SOX11: variants seen among roughly 807,000 people sequenced by gnomAD.
SOX11 encodes transcription factor SOX-11.
SOX11 carries 5 observed loss-of-function variants against 16.7 expected under a neutral mutation model. The observed-to-expected ratio is 0.30, with a 90% CI of 0.16 to 0.63. The LOEUF is 0.63. SOX11 is among the 20% of genes least tolerant of loss of function. The pLI is 0.82. For synonymous variants in SOX11, 363 were observed against 298.8 expected, an observed-to-expected ratio of 1.21 and a Z score of -2.22; for missense variants, 492 against 641.5, an observed-to-expected ratio of 0.77 and a Z score of 2.52.
In SOX11 at chr2:5,692,755, A is replaced by G; in HGVS notation, c.34A>G (p.Ser12Gly). 1.9e-6 allele frequency: 3 copies of G among 1,606,418 alleles called. No homozygotes were observed. The highest frequency in any genetic ancestry group is 2.6e-6 in the Non-Finnish European group (3 of 1,175,408). ...GCAGGCGGAGAGCTTGGAAGCGGAGAGCAACCTGCCCCGGGAGGCGCTGGA... is the reference window on the plus strand; with the variant it reads ...GCAGGCGGAGAGCTTGGAAGCGGAGGGCAACCTGCCCCGGGAGGCGCTGGA... ...VQQAESLEAE[S>G]NLPREALDTE... is the part of the protein sequence containing the mutation. The change falls in exon 1 of 1, where the codon AGC (serine) becomes GGC (glycine). Residue 12 changes from serine (S) to glycine (G), a missense_variant. Physicochemically the swap from Ser to Gly is moderately conservative, Grantham distance 56 (BLOSUM62 0). This residue lies in a region of SOX11 where 44 missense variants were observed against 48.5 expected (regional missense o/e 0.91). Coordinates refer to ENST00000322002, the MANE Select transcript of SOX11 (RefSeq NM_003108.4).
At position 5,698,056 on chromosome 2, in the gene SOX11, T is replaced by C. The variant is rs1329227936; in HGVS notation, c.*4009T>C. ...TTTTTTTTTTTAAAGCCATGTGGCC[T>C]AACTTGATACAAAAATAAAAGTAAT... On this transcript the variant is annotated 3_prime_UTR_variant, in exon 1 of 1. Coordinates refer to ENST00000322002, the MANE Select transcript of SOX11 (RefSeq NM_003108.4). 1 of 166,948 alleles carries C rather than the reference T, an allele frequency of 6.0e-6. No homozygotes were observed. The highest frequency in any genetic ancestry group is 2.4e-5 in the African/African-American group (1 of 41,456). 10.3% of individuals were successfully genotyped at this position (166,948 alleles called of 1,614,324 possible). A position where few individuals can be genotyped will look rare whatever the true frequency, so the allele number is the denominator to read the frequency against.
rs1469546155 is a variant in SOX11, at chr2:5,698,136, C to A, written c.*4089C>A. The A allele has an allele frequency of 6.0e-6, 1 of 167,006 alleles. No homozygotes were observed. Among genetic ancestry groups the A allele is most frequent in the Admixed American group, 6.5e-5 (1 of 15,280 alleles). 10.3% of individuals were successfully genotyped at this position (167,006 alleles called of 1,614,324 possible). A position where few individuals can be genotyped will look rare whatever the true frequency, so the allele number is the denominator to read the frequency against. ...AGAACTCAGGACAGGCGCTTCAATG[C>A]GCTTTTTAACAATATTTAAGGCTGT... On this transcript the variant is annotated 3_prime_UTR_variant, in exon 1 of 1. Transcript: ENST00000322002.
In SOX11 at chr2:5,694,135, A is replaced by AT. The variant is rs886683769; in HGVS notation, c.*89dup. On this transcript the variant is annotated 3_prime_UTR_variant, in exon 1 of 1. Coordinates refer to ENST00000322002, the MANE Select transcript of SOX11 (RefSeq NM_003108.4). ...TGTAGTGGTGATGATGATGATGATA[A>AT]TGATGATGATGATGGTGGTGTTGAT... The AT allele has an allele frequency of 5.2e-5, 73 of 1,397,498 alleles. No individual in the cohort carries two copies. The highest frequency in any genetic ancestry group is 6.5e-5 in the Non-Finnish European group (68 of 1,048,382). 86.6% of individuals were successfully genotyped at this position (1,397,498 alleles called of 1,614,324 possible).
In SOX11 at chr2:5,697,117, G is replaced by T. The variant is rs911350759; in HGVS notation, c.*3070G>T. 6.2e-6 allele frequency: 1 copy of T among 162,122 alleles called. No individual in the cohort carries two copies. The highest frequency in any genetic ancestry group is 2.4e-5 in the African/African-American group (1 of 41,392). 10.0% of individuals were successfully genotyped at this position (162,122 alleles called of 1,614,324 possible). ...GCTCCCGCCCCCCTTCCGAGCATCC[G>T]CCGCCTCTTTTCTGCTGGGTCTGGG... On this transcript the variant is annotated 3_prime_UTR_variant, in exon 1 of 1. Coordinates refer to ENST00000322002, the MANE Select transcript of SOX11 (RefSeq NM_003108.4).
rs779081464 is a variant in SOX11, at chr2:5,693,298, G to A, written c.577G>A (p.Gly193Ser). 6.5e-7 allele frequency: 1 copy of A among 1,540,054 alleles called. No individual in the cohort carries two copies. Among genetic ancestry groups the A allele is most frequent in the Non-Finnish European group, 8.7e-7 (1 of 1,151,490 alleles). ...GKAAQSGDYG[G>S]AGDDYVLGSL... is the part of the protein sequence containing the mutation. ...GGCGGCCCAGTCCGGGGACTACGGG[G>A]GCGCGGGCGACGACTACGTGCTGGG... Residue 193 changes from glycine to serine, a missense_variant, in exon 1 of 1, where the codon GGC becomes AGC. Transcript: ENST00000322002. The surrounding 1 kb of genome is among the most constrained non-coding windows in gnomAD (Gnocchi z 8.6).
In SOX11 at chr2:5,700,116, C is replaced by A. The variant is rs775745082; in HGVS notation, c.*6069C>A. ...GCCTGCAGTTGTGAACAGAGAACTT[C>A]TCTACAGAGAAACAAACCACTAAAA... On this transcript the variant is annotated 3_prime_UTR_variant, in exon 1 of 1. Transcript: ENST00000322002. 1 of 167,046 alleles carries A rather than the reference C, an allele frequency of 6.0e-6. No homozygotes were observed. The highest frequency in any genetic ancestry group is 1.5e-5 in the Non-Finnish European group (1 of 68,110). 10.3% of individuals were successfully genotyped at this position (167,046 alleles called of 1,614,324 possible).
Position 5,698,797 on chromosome 2 carries a change from G to C in SOX11, c.*4750G>C, listed in dbSNP as rs1665788117. 1 of 166,954 alleles carries C rather than the reference G, an allele frequency of 6.0e-6. No individual in the cohort carries two copies. Among genetic ancestry groups the C allele is most frequent in the Non-Finnish European group, 1.5e-5 (1 of 68,074 alleles). The allele number at this position is 166,954 out of a possible 1,614,324, so 10.3% of individuals were successfully genotyped here. ...TGATTTAGTTGCTTTTTTCATGAAA[G>C]AAAAAGACTCAAAAGACAAGACTTA... On this transcript the variant is annotated 3_prime_UTR_variant, in exon 1 of 1. Coordinates refer to ENST00000322002, the MANE Select transcript of SOX11 (RefSeq NM_003108.4).
rs1409457496 is a variant in SOX11 at position 5,693,355 on chromosome 2, G to A, written c.634G>A (p.Gly212Ser). ...SLRVSGSGGGGAGKTVKCVFL... is the reference protein window; with the variant it reads ...SLRVSGSGGGSAGKTVKCVFL... ...GCGCGTGAGCGGCTCGGGCGGCGGC[G>A]GCGCGGGCAAGACGGTCAAGTGCGT... Residue 212 changes from glycine (G) to serine (S), a missense_variant, in exon 1 of 1, where the codon GGC becomes AGC. This residue lies in a region of SOX11 where 389 missense variants were observed against 389.0 expected (regional missense o/e 1.00). Transcript: ENST00000322002. The surrounding 1 kb of genome is among the most constrained non-coding windows in gnomAD (Gnocchi z 8.6). 3.8e-6 allele frequency: 6 copies of A among 1,591,258 alleles called. No homozygotes were observed. In the South Asian group the frequency reaches 5.5e-5, roughly 15 times the overall value.
At position 5,694,172 on chromosome 2, in the gene SOX11, T is replaced by A; in HGVS notation, c.*125T>A. 1 of 1,262,926 alleles carries A rather than the reference T, an allele frequency of 7.9e-7. No individual in the cohort carries two copies. The highest frequency in any genetic ancestry group is 1.1e-6 in the Non-Finnish European group (1 of 934,492). 78.2% of individuals were successfully genotyped at this position (1,262,926 alleles called of 1,614,324 possible). On this transcript the variant is annotated 3_prime_UTR_variant, in exon 1 of 1. Transcript: ENST00000322002. ...ATGGTGGTGTTGATGGTGGCGGTGG[T>A]AGGGTGGAGGGGAGAGAAGAAGATG...
Position 5,698,291 on chromosome 2 carries a change from G to A in SOX11, c.*4244G>A, listed in dbSNP as rs919282389. On this transcript the variant is annotated 3_prime_UTR_variant, in exon 1 of 1. Coordinates refer to ENST00000322002, the MANE Select transcript of SOX11 (RefSeq NM_003108.4). ...AAGTTTAATTGATTTTTTTTTGTTG[G>A]TCTCTTAAGTAAGTCTTATTTTTAA... 1 of 166,538 alleles carries A rather than the reference G, an allele frequency of 6.0e-6. No individual in the cohort carries two copies. Among genetic ancestry groups the A allele is most frequent in the African/African-American group, 2.4e-5 (1 of 41,310 alleles). The allele number at this position is 166,538 out of a possible 1,614,324, so 10.3% of individuals were successfully genotyped here.
rs1665814352 is a variant in SOX11 at position 5,700,367 on chromosome 2, T to A, written c.*6320T>A. The A allele has an allele frequency of 6.0e-6, 1 of 166,990 alleles. No individual in the cohort carries two copies. Among genetic ancestry groups the A allele is most frequent in the Non-Finnish European group, 1.5e-5 (1 of 68,120 alleles). 10.3% of individuals were successfully genotyped at this position (166,990 alleles called of 1,614,324 possible). A position where few individuals can be genotyped will look rare whatever the true frequency, so the allele number is the denominator to read the frequency against. On this transcript the variant is annotated 3_prime_UTR_variant, in exon 1 of 1. Transcript: ENST00000322002. ...TTTCCTCTAGGCTCCTCGAAGAGAT[T>A]TTTTTAATATGATGCTTGTCTTACT...
In SOX11 at chr2:5,696,010, T is replaced by C. The variant is rs931413263; in HGVS notation, c.*1963T>C. 3.0e-5 allele frequency: 5 copies of C among 166,312 alleles called. No homozygotes were observed. The highest frequency in any genetic ancestry group is 9.7e-5 in the African/African-American group (4 of 41,438). 10.3% of individuals were successfully genotyped at this position (166,312 alleles called of 1,614,324 possible). On this transcript the variant is annotated 3_prime_UTR_variant, in exon 1 of 1. Transcript: ENST00000322002. ...GAGGGGCCTGGGTTGCCAGCTCCCTTGGTCGGGGTCCTGCTCGCTGGGGCT... is the reference window on the plus strand; with the variant it reads ...GAGGGGCCTGGGTTGCCAGCTCCCTCGGTCGGGGTCCTGCTCGCTGGGGCT...
In SOX11 at chr2:5,694,403, A is replaced by G. The variant is rs1009060576; in HGVS notation, c.*356A>G. On this transcript the variant is annotated 3_prime_UTR_variant, in exon 1 of 1. Coordinates refer to ENST00000322002, the MANE Select transcript of SOX11 (RefSeq NM_003108.4). ...TCCCAAAAAATGTGTTTTTGTAATT[A>G]CTATTTCTTTTTCCTGAAATTCGTG... 1 of 346,124 alleles carries G rather than the reference A, an allele frequency of 2.9e-6. No individual in the cohort carries two copies. The highest frequency in any genetic ancestry group is 5.3e-6 in the Non-Finnish European group (1 of 187,322). The allele number at this position is 346,124 out of a possible 1,614,324, so 21.4% of individuals were successfully genotyped here.
chr2:5,696,873 A>G lies in SOX11; in HGVS notation c.*2826A>G, dbSNP rs1665741047. Reference sequence around the variant, plus strand: ...GGAATCAGCTCCCCGGGGCCGCCGCAACGAAGGTGGATCCGCATCTTGATT... The same window carrying G: ...GGAATCAGCTCCCCGGGGCCGCCGCGACGAAGGTGGATCCGCATCTTGATT... On this transcript the variant is annotated 3_prime_UTR_variant, in exon 1 of 1. Transcript: ENST00000322002. 6.2e-6 allele frequency: 1 copy of G among 160,340 alleles called. No homozygotes were observed. Among genetic ancestry groups the G allele is most frequent in the Admixed American group, 6.6e-5 (1 of 15,250 alleles). The allele number at this position is 160,340 out of a possible 1,614,324, so 9.9% of individuals were successfully genotyped here. A position where few individuals can be genotyped will look rare whatever the true frequency, so the allele number is the denominator to read the frequency against.
At position 5,693,348 on chromosome 2, in the gene SOX11, C is replaced by T. The variant is rs780984796; in HGVS notation, c.627C>T (p.Gly209=). 1.9e-6 allele frequency: 3 copies of T among 1,589,196 alleles called. No individual in the cohort carries two copies. ...VLGSLRVSGS[G]GGGAGKTVKC... ...GCAGCCTGCGCGTGAGCGGCTCGGG[C>T]GGCGGCGGCGCGGGCAAGACGGTCA... The change falls in exon 1 of 1, where the codon GGC becomes GGT. Residue 209 remains glycine (G), a synonymous_variant. Coordinates refer to ENST00000322002, the MANE Select transcript of SOX11 (RefSeq NM_003108.4). The surrounding 1 kb of genome is among the most constrained non-coding windows in gnomAD (Gnocchi z 8.6).
rs757172490 is a variant in SOX11 at position 5,693,585 on chromosome 2, C to G, written c.864C>G (p.Pro288=). 1.9e-6 allele frequency: 3 copies of G among 1,559,224 alleles called. No individual in the cohort carries two copies. The highest frequency in any genetic ancestry group is 2.7e-5 in the African/African-American group (2 of 73,752). ...CGCTGAGCAGCTCGGCGGAGTCCCC[C>G]GAGGGAGCGAGCCTCTACGACGAGG... ...SPTLSSSAES[P]EGASLYDEVR... The change falls in exon 1 of 1, where the codon CCC becomes CCG. Residue 288 remains proline, a synonymous_variant. Coordinates refer to ENST00000322002, the MANE Select transcript of SOX11 (RefSeq NM_003108.4). The surrounding 1 kb of genome is among the most constrained non-coding windows in gnomAD (Gnocchi z 8.6).
Position 5,700,208 on chromosome 2 carries a change from C to A in SOX11, c.*6161C>A, listed in dbSNP as rs1665811614. On this transcript the variant is annotated 3_prime_UTR_variant, in exon 1 of 1. Transcript: ENST00000322002. Reference sequence around the variant, plus strand: ...GGTGAATTTAAGCAACCTGGATGTGCATATGTGGAGGCTCCCGTCTCACTG... The same window carrying A: ...GGTGAATTTAAGCAACCTGGATGTGAATATGTGGAGGCTCCCGTCTCACTG... 1 of 166,968 alleles carries A rather than the reference C, an allele frequency of 6.0e-6. No homozygotes were observed. The highest frequency in any genetic ancestry group is 1.5e-5 in the Non-Finnish European group (1 of 68,108). 10.3% of individuals were successfully genotyped at this position (166,968 alleles called of 1,614,324 possible).
rs756597677 is a variant in SOX11, at chr2:5,693,264, C to G, written c.543C>G (p.Gly181=). ...KAPAAAGAKA[G]AGKAAQSGDY... ...CCGCGGCCGCGGGCGCCAAGGCGGG[C>G]GCGGGCAAGGCGGCCCAGTCCGGGG... The change falls in exon 1 of 1, where the codon GGC becomes GGG. Residue 181 remains glycine (G), a synonymous_variant. Transcript: ENST00000322002. The surrounding 1 kb of genome is among the most constrained non-coding windows in gnomAD (Gnocchi z 8.6). 28 of 1,379,064 alleles carry G rather than the reference C, an allele frequency of 2.0e-5. No homozygotes were observed. Among genetic ancestry groups the G allele is most frequent in the Admixed American group, 1.5e-4 (4 of 26,184 alleles). The allele number at this position is 1,379,064 out of a possible 1,614,324, so 85.4% of individuals were successfully genotyped here. A position where few individuals can be genotyped will look rare whatever the true frequency, so the allele number is the denominator to read the frequency against.
rs74759800 is a variant in SOX11 at position 5,695,444 on chromosome 2, G to A, written c.*1397G>A. On this transcript the variant is annotated 3_prime_UTR_variant, in exon 1 of 1. Coordinates refer to ENST00000322002, the MANE Select transcript of SOX11 (RefSeq NM_003108.4). ...TTTTAGCAAAAAAGAAAAAAAAAAG[G>A]CACATAGTTTAAAAAGTTTCTCATT... 1 of 166,500 alleles carries A rather than the reference G, an allele frequency of 6.0e-6. No homozygotes were observed. The highest frequency in any genetic ancestry group is 1.5e-5 in the Non-Finnish European group (1 of 68,044). The allele number at this position is 166,500 out of a possible 1,614,324, so 10.3% of individuals were successfully genotyped here. A position where few individuals can be genotyped will look rare whatever the true frequency, so the allele number is the denominator to read the frequency against.
Sources: allele counts gnomAD v4.1 joint callset, GRCh38; gene constraint gnomAD v4.1.1; regional missense constraint gnomAD v4.1.1; non-coding constraint Gnocchi (gnomAD v3.1); transcripts MANE v1.5; gene names NCBI Gene and HGNC (gene_info 2026-07-23, HGNC 2026-07-21).